Variants in PCDH9 observed in about 807,000 individuals in gnomAD.
PCDH9 encodes protocadherin-9.
PCDH9 carries 24 observed loss-of-function variants against 70.6 expected under a neutral mutation model. The observed-to-expected ratio is 0.34, with a 90% CI of 0.25 to 0.48. The LOEUF is 0.48. Ranked by LOEUF, PCDH9 falls within the 20% of genes least tolerant of loss-of-function variation. PCDH9 has a pLI of 0.99. For synonymous variants in PCDH9, 562 were observed against 558.5 expected, an observed-to-expected ratio of 1.01 and a Z score of -0.09; for missense variants, 1,281 against 1,503.6, an observed-to-expected ratio of 0.85 and a Z score of 2.45.
chr13:66,333,237 C>A (rs1955974171), intron 4 of PCDH9, among the ~76,000 whole-genome samples: 1 of 152,104 alleles, frequency 6.6e-6, no homozygotes, highest in Non-Finnish European at 1.5e-5. Context: ...ATGTAGTAGT[C>A]TCAGAATAGT....
intron 2 of PCDH9, among the ~76,000 whole-genome samples, chr13:67,183,783 C>T (rs1021012643): frequency 2.0e-5 from 3 of 151,980 alleles, no homozygotes; most frequent in Admixed American, 6.6e-5. Context: ...AACCTGTTTA[C>T]GACTGAGGTT....
At chr13:67,084,006 TG>T (rs1167642206) in intron 2 of PCDH9, among the ~76,000 whole-genome samples, 4 of 152,178 alleles carry the variant, frequency 2.6e-5, no homozygotes, top group Admixed American at 2.6e-4. Context: ...TAGGGGATTT[TG>T]GGACCCCCAA....
At chr13:67,033,709 TCTG>T (rs1352242505) in intron 2 of PCDH9, among the ~76,000 whole-genome samples, 1 of 152,180 alleles carries the variant, frequency 6.6e-6, no homozygotes, top group African/African-American at 2.4e-5. Context: ...TGCCAATCAC[TCTG>T]CTTTCTGCAA....
intron 4 of PCDH9, among the ~76,000 whole-genome samples, chr13:66,557,476 T>G (rs1961785833): frequency 6.6e-6 from 1 of 152,216 alleles, no homozygotes; most frequent in Non-Finnish European, 1.5e-5. Context: ...CACAGATCAT[T>G]AGAAAACTTC....
chr13:67,105,723 A>G (rs1010850809), intron 2 of PCDH9, among the ~76,000 whole-genome samples: 8 of 152,126 alleles, frequency 5.3e-5, no homozygotes, highest in African/African-American at 1.7e-4. Flanking sequence ...ATATCTGAAC[A>G]ATAATATTTA....
intron 3 of PCDH9, among the ~76,000 whole-genome samples, chr13:66,790,061 T>C (rs1052260646): frequency 6.6e-6 from 1 of 152,122 alleles, no homozygotes; most frequent in Non-Finnish European, 1.5e-5. Flanking sequence ...TCTACCAATT[T>C]TTGTTTCCAT....
intron 2 of PCDH9, among the ~76,000 whole-genome samples, chr13:66,934,752 GCT>G (rs1201213989): frequency 1.0e-5 from 1 of 98,442 alleles, no homozygotes; most frequent in Non-Finnish European, 1.8e-5. Context: ...ACGGAGTCTC[GCT>G]CTGTCGCCCA....
At chr13:67,090,149 AAATGATTACT>A (rs1178684341) in intron 2 of PCDH9, among the ~76,000 whole-genome samples, 2 of 152,056 alleles carry the variant, frequency 1.3e-5, no homozygotes, top group Non-Finnish European at 2.9e-5. Flanking sequence ...TGAATGGACT[AAATGATTACT>A]AATGAAGACT....
intron 2 of PCDH9, among the ~76,000 whole-genome samples, chr13:67,091,279 A>T (rs189136120): frequency 2.2e-4 from 34 of 152,278 alleles, no homozygotes; most frequent in Admixed American, 7.2e-4. Context: ...TAAAAGAGAA[A>T]TTCAAAATAA....
intron 2 of PCDH9, among the ~76,000 whole-genome samples, chr13:66,921,341 G>C (rs189867491): frequency 1.3e-5 from 2 of 151,126 alleles, no homozygotes; most frequent in African/African-American, 2.4e-5. Flanking sequence ...GTGAGAGAAA[G>C]GGTATTTTTA....
At chr13:67,067,619 T>A (rs155011) in intron 2 of PCDH9, among the ~76,000 whole-genome samples, 150,846 of 152,036 alleles carry the variant, frequency 0.99, 74,848 homozygotes, top group East Asian at 1. Context: ...TTTAAAAAGT[T>A]TTTAAAAAAT....
chr13:66,857,862 A>T (rs575550919), intron 3 of PCDH9, among the ~76,000 whole-genome samples: 92 of 152,240 alleles, frequency 6.0e-4, no homozygotes, highest in Non-Finnish European at 1.2e-3. Context: ...ATTCATAGAC[A>T]TACTGATATT....
Position 66,577,018 on chromosome 13 carries a change from A to G in PCDH9, c.3340+54192T>C, listed in dbSNP as rs370661747. On this transcript the variant is annotated intron_variant, in intron 4 of 4. Coordinates refer to ENST00000377865, the MANE Select transcript of PCDH9 (RefSeq NM_203487.3). The stretch of plus-strand genomic sequence containing the variant: ...ATGAAGATATTATAACTGCTTGAAT[A>G]AAAACAACACAAAATCTCATGGAAA... 2.0e-5 allele frequency among the ~76,000 whole-genome samples: 3 copies of G among 152,172 alleles called. No individual in the cohort carries two copies. The East Asian group carries it at 5.8e-4, about 29-fold the overall frequency.
At chr13:66,618,610 G>T (rs2077387172) in intron 4 of PCDH9, among the ~76,000 whole-genome samples, 1 of 151,830 alleles carries the variant, frequency 6.6e-6, no homozygotes, top group African/African-American at 2.4e-5. Flanking sequence ...TTATTTTGAG[G>T]TATTTAAAAA....
intron 4 of PCDH9, among the ~76,000 whole-genome samples, chr13:66,566,563 A>C (rs1485928688): frequency 6.6e-6 from 1 of 152,144 alleles, no homozygotes; most frequent in African/African-American, 2.4e-5. Flanking sequence ...ATAATACAAA[A>C]CTCAAACAAA....
intron 3 of PCDH9, among the ~76,000 whole-genome samples, chr13:66,863,553 T>C (rs961767074): frequency 1.3e-5 from 2 of 152,176 alleles, no homozygotes; most frequent in African/African-American, 4.8e-5. Flanking sequence ...TGGCAGGATC[T>C]AGGCTCACTG....
intron 2 of PCDH9, among the ~76,000 whole-genome samples, chr13:67,082,127 T>C (rs894227485): frequency 1.3e-5 from 2 of 152,196 alleles, no homozygotes; most frequent in Admixed American, 1.3e-4. Context: ...AGATCTACCA[T>C]CTTAGCAAAT....
chr13:66,658,998 A>G (rs1295889839), intron 3 of PCDH9, among the ~76,000 whole-genome samples: 1 of 152,192 alleles, frequency 6.6e-6, no homozygotes, highest in Non-Finnish European at 1.5e-5. Flanking sequence ...TTTTGTAAGT[A>G]CAATTGTCAG....
At chr13:66,501,103 A>C (rs1169808278) in intron 4 of PCDH9, among the ~76,000 whole-genome samples, 4 of 152,152 alleles carry the variant, frequency 2.6e-5, no homozygotes, top group African/African-American at 9.6e-5. Context: ...AATCAGCAGA[A>C]ATCTCAAAAG....
Sources: gnomAD v4.1 joint callset for allele counts (sites outside exome capture counted in the v4.1 genomes callset) on GRCh38, gnomAD v4.1.1 for gene constraint, MANE v1.5 for transcripts, NCBI Gene and HGNC (gene_info 2026-07-23, HGNC 2026-07-21) for gene names.